The following SDK2 variants were observed in gnomAD, a reference collection of about 807,000 sequenced individuals.
SDK2 encodes the protein sidekick cell adhesion molecule 2.
A neutral mutation model predicts 253.9 loss-of-function variants in SDK2; 105 were observed. That is an observed-to-expected ratio of 0.41 (90% CI 0.35 to 0.49). The LOEUF (loss-of-function observed/expected upper bound fraction) is 0.49. SDK2 is among the 20% of genes least tolerant of loss of function. The pLI, the probability that SDK2 is intolerant of heterozygous loss-of-function variation, is 0.06. For missense variants in SDK2, 2,608 were observed against 3,003.0 expected (o/e 0.87, Z 3.07); for synonymous variants, 1,249 against 1,234.9 (o/e 1.01, Z -0.24).
At chr17:73,515,839 C>T (rs2064022156) in intron 1 of SDK2, among the ~76,000 whole-genome samples, 1 of 152,218 alleles carries the variant, frequency 6.6e-6, no homozygotes, top group African/African-American at 2.4e-5. Flanking sequence ...CCTCCTGGGC[C>T]TTACCTGTCT....
intron 1 of SDK2, among the ~76,000 whole-genome samples, chr17:73,606,536 G>A (rs1040571005): frequency 1.3e-5 from 2 of 152,164 alleles, no homozygotes; most frequent in Non-Finnish European, 2.9e-5. Flanking sequence ...TAACCCTTAC[G>A]ACAGCCACGA....
intron 2 of SDK2, among the ~76,000 whole-genome samples, chr17:73,483,252 G>T (rs372546114): frequency 5.3e-4 from 80 of 151,176 alleles, no homozygotes; most frequent in African/African-American, 1.8e-3. Context: ...CCGCTACATA[G>T]ATGGGAGGAG....
intron 39 of SDK2, among the ~76,000 whole-genome samples, chr17:73,359,015 T>C (rs1290304610): frequency 6.6e-6 from 1 of 151,930 alleles, no homozygotes; most frequent in Non-Finnish European, 1.5e-5. Context: ...TCTGAGCCCC[T>C]TCTCTTGGGG....
chr17:73,473,782 C>T (rs1441347544), intron 2 of SDK2, among the ~76,000 whole-genome samples: 1 of 152,204 alleles, frequency 6.6e-6, no homozygotes. Flanking sequence ...GTGGGACCAA[C>T]ATGAGACTGT....
At position 73,570,030 on chromosome 17, in the gene SDK2, C is replaced by T. The variant is rs919315342; in HGVS notation, c.65-62433G>A. 3.3e-5 allele frequency among the ~76,000 whole-genome samples: 5 copies of T among 152,150 alleles called. No homozygotes were observed. Among genetic ancestry groups the T allele is most frequent in the Non-Finnish European group, 7.4e-5 (5 of 68,018 alleles). ...GGGTGAAGGATGAGGAGCAGGACCT[C>T]AGCGCTCTAACTCTTTCAGGCTTCG... On this transcript the variant is annotated intron_variant, in intron 1 of 44. Transcript: ENST00000392650. This position sits in a 1 kb window ranked among gnomAD's most constrained non-coding sequence, Gnocchi z 4.2.
intron 30 of SDK2, 43 bp downstream of exon 30, chr17:73,387,793 G>T: frequency 6.7e-7 from 1 of 1,490,912 alleles, no homozygotes; most frequent in Non-Finnish European, 9.0e-7. Flanking sequence ...GGTCCCGGCG[G>T]GGAGAGGGGC....
rs551084384 is a variant in SDK2, at chr17:73,390,244, C to T, written c.4192+43G>A. ...AGCTCAGAGCACTGGCTGGCCCCCC[C>T]TCAGCTGCCCCCAAGCCTTCCCTGG... is the stretch of plus-strand genomic sequence containing the variant. On this transcript the variant is annotated intron_variant, in intron 29 of 44. Coordinates refer to ENST00000392650, the MANE Select transcript of SDK2 (RefSeq NM_001144952.2). 34 of 1,486,912 alleles carry T rather than the reference C, an allele frequency of 2.3e-5. 1 individual carries two copies. In the South Asian group the frequency reaches 3.0e-4, roughly 13 times the overall value. The allele number at this position is 1,486,912 out of a possible 1,614,324, so 92.1% of individuals were successfully genotyped here.
At chr17:73,416,038 T>TG (rs760250956) in intron 16 of SDK2, 46 bp from the exon 17 acceptor site, 186 of 1,546,710 alleles carry the variant, frequency 1.2e-4, no homozygotes, top group Non-Finnish European at 1.4e-4. Context: ...TCAGCTTCCT[T>TG]GGCCTCGTAC....
chr17:73,626,052 A>C (rs1303987035), intron 1 of SDK2, among the ~76,000 whole-genome samples: 2 of 149,112 alleles, frequency 1.3e-5, no homozygotes, highest in East Asian at 3.9e-4. Flanking sequence ...CTGGAGGCCA[A>C]GACCTGAGCA....
At chr17:73,420,828 G>A (rs2063223621) in intron 15 of SDK2, among the ~76,000 whole-genome samples, 2 of 150,758 alleles carry the variant, frequency 1.3e-5, no homozygotes, top group East Asian at 4.0e-4. Context: ...GGCACGTGCC[G>A]CCATGCCTGG....
At position 73,380,970 on chromosome 17, in the gene SDK2, G is replaced by T; in HGVS notation, c.4706-20C>A. On this transcript the variant is annotated intron_variant, in intron 33 of 44. Transcript: ENST00000392650. ...ACATGGCTATGGGGTGGGGGTGCCGGGGCGGGGGCGCAGAGGGAGACAGCA... is the reference window on the plus strand; with the variant it reads ...ACATGGCTATGGGGTGGGGGTGCCGTGGCGGGGGCGCAGAGGGAGACAGCA... 7.9e-7 allele frequency: 1 copy of T among 1,271,254 alleles called. No homozygotes were observed. Among genetic ancestry groups the T allele is most frequent in the Non-Finnish European group, 1.1e-6 (1 of 890,900 alleles). 78.7% of individuals were successfully genotyped at this position (1,271,254 alleles called of 1,614,324 possible).
chr17:73,559,324 G>A (rs897020732), intron 1 of SDK2, among the ~76,000 whole-genome samples: 4 of 152,218 alleles, frequency 2.6e-5, no homozygotes, highest in Non-Finnish European at 5.9e-5. Flanking sequence ...GGCGATACAT[G>A]TGCCATGGAG....
rs546736133 is a variant in SDK2 at position 73,618,698 on chromosome 17, C to G, written c.64+25327G>C. The stretch of plus-strand genomic sequence containing the variant: ...CTCTTCTACAGGGAAGGTACTTAGA[C>G]AGGCAACTTCCTATTCCCCGATCAC... On this transcript the variant is annotated intron_variant, in intron 1 of 44. Transcript: ENST00000392650. This position sits in a 1 kb window ranked among gnomAD's most constrained non-coding sequence, Gnocchi z 4.1. 7.2e-5 allele frequency among the ~76,000 whole-genome samples: 11 copies of G among 152,160 alleles called. No homozygotes were observed. The highest frequency in any genetic ancestry group is 1.6e-4 in the Non-Finnish European group (11 of 68,028).
chr17:73,426,002 T>C (rs1309478096), intron 12 of SDK2, among the ~76,000 whole-genome samples: 2 of 152,118 alleles, frequency 1.3e-5, no homozygotes, highest in Non-Finnish European at 2.9e-5. Flanking sequence ...TATATTTACA[T>C]GAATGGTATA....
At chr17:73,359,903 A>G (rs947088333) in intron 39 of SDK2, among the ~76,000 whole-genome samples, 2 of 152,068 alleles carry the variant, frequency 1.3e-5, no homozygotes, top group African/African-American at 4.8e-5. Context: ...CCACCTCCCA[A>G]AATGTTGGGA....
intron 1 of SDK2, among the ~76,000 whole-genome samples, chr17:73,605,897 G>A (rs2045901585): frequency 1.3e-5 from 2 of 151,978 alleles, no homozygotes; most frequent in African/African-American, 4.8e-5. Context: ...CACCAAGCCC[G>A]GGAAAGCTGA....
chr17:73,386,052 C>T (rs913642897), intron 31 of SDK2, 135 bp from the exon 32 acceptor site: 25 of 601,814 alleles, frequency 4.2e-5, no homozygotes, highest in East Asian at 3.3e-4. Flanking sequence ...CCTGCTGGCC[C>T]GATTTCTGCA....
chr17:73,338,927 T>C lies in SDK2; in HGVS notation c.6179A>G (p.Glu2060Gly), dbSNP rs776315996. Residue 2060 changes from glutamate to glycine, a missense_variant, in exon 45 of 45, where the codon GAG (glutamate) becomes GGG (glycine). Coordinates refer to ENST00000392650, the MANE Select transcript of SDK2 (RefSeq NM_001144952.2). The surrounding 1 kb of genome is among the most constrained non-coding windows in gnomAD (Gnocchi z 5.0). ...EISDSQGSDS[E>G]YEVDSNHQKA... ...CTGGTGGTTTGAGTCGACCTCGTAC[T>C]CGCTGTCACTTCCCTGGGAGGACAG... The C allele has an allele frequency of 6.2e-7, 1 of 1,613,992 alleles. No individual in the cohort carries two copies. Among genetic ancestry groups the C allele is most frequent in the Non-Finnish European group, 8.5e-7 (1 of 1,179,874 alleles).
intron 18 of SDK2, among the ~76,000 whole-genome samples, chr17:73,406,728 AAATC>A (rs377034627): frequency 1.3e-3 from 200 of 152,364 alleles, no homozygotes; most frequent in African/African-American, 4.1e-3. Flanking sequence ...TTAAATTAAA[AAATC>A]AATCCCTAAA....
Sources: gnomAD v4.1 joint callset for allele counts (sites outside exome capture counted in the v4.1 genomes callset) on GRCh38, gnomAD v4.1.1 for gene constraint, Gnocchi (gnomAD v3.1) non-coding constraint, MANE v1.5 for transcripts, NCBI Gene and HGNC (gene_info 2026-07-23, HGNC 2026-07-21) for gene names.